DNAAF1: variants seen among roughly 807,000 people sequenced by gnomAD.
DNAAF1 encodes the protein dynein axonemal assembly factor 1.
DNAAF1 carries 65 observed loss-of-function variants against 71.1 expected under a neutral mutation model. The ratio of observed to expected loss-of-function variants is 0.91; its 90% CI spans 0.75 to 1.12. The LOEUF is 1.12. Ranked by LOEUF, DNAAF1 falls within the 50% of genes most tolerant of loss-of-function variation. DNAAF1 has a pLI of 0.00. For missense variants in DNAAF1, 1,178 were observed against 899.8 expected (o/e 1.31, Z -3.96); for synonymous variants, 414 against 354.6 (o/e 1.17, Z -1.88).
At position 84,164,352 on chromosome 16, in the gene DNAAF1, C is replaced by T. The variant is rs573646396; in HGVS notation, c.864-1431C>T. On this transcript the variant is annotated intron_variant, in intron 6 of 11. Transcript: ENST00000378553. ...CGGACAAAGGTATCATGTCCTGTAT[C>T]CCCCATCACAGTATCTCACAGAATA... is the stretch of plus-strand genomic sequence containing the variant. Among the ~76,000 whole-genome samples, 5 of 152,280 alleles carry T rather than the reference C, an allele frequency of 3.3e-5. No individual in the cohort carries two copies. The East Asian group carries it at 9.7e-4, about 29-fold the overall frequency.
intron 2 of DNAAF1, 60 bp downstream of exon 2, chr16:84,149,202 C>A (rs547159795): frequency 5.0e-6 from 8 of 1,591,930 alleles, no homozygotes; most frequent in Admixed American, 3.3e-5. Context: ...GGCGTAATCA[C>A]CCCCTTGTAC....
At chr16:84,155,858 C>T in intron 5 of DNAAF1, 109 bp downstream of exon 5, 2 of 1,377,912 alleles carry the variant, frequency 1.5e-6, no homozygotes, top group South Asian at 2.5e-5. Context: ...GCCTTCCTTC[C>T]CTTTTTCACA....
Position 84,172,270 on chromosome 16 carries a change from C to A in DNAAF1, c.1539C>A (p.Pro513=). ...GTTGTTGCTCTTTAGAACCGACTCC[C>A]CAGGCTGTGGCCACTGAGGGTGTAT... ...PLGAAREEPT[P]QAVATEGVFV... is the part of the protein sequence containing the mutation. Residue 513 remains proline (P), a synonymous_variant, in exon 9 of 12, where the codon CCC becomes CCA. Transcript: ENST00000378553. The A allele has an allele frequency of 6.2e-7, 1 of 1,614,074 alleles. No homozygotes were observed. Among genetic ancestry groups the A allele is most frequent in the Non-Finnish European group, 8.5e-7 (1 of 1,179,996 alleles).
chr16:84,155,523 C>T, intron 4 of DNAAF1, 60 bp from the exon 5 acceptor site: 1 of 1,580,204 alleles, frequency 6.3e-7, no homozygotes, highest in Non-Finnish European at 8.7e-7. Context: ...AACCACTGTG[C>T]CTGGCCCAAG....
rs9921392 is a variant in DNAAF1, at chr16:84,174,053, C to T, written c.1645-616C>T. On this transcript the variant is annotated intron_variant, in intron 9 of 11. Transcript: ENST00000378553. Reference sequence around the variant, plus strand: ...TAAGCAGTACATACTATTATCATCCCAATTTCCCAGATGAGGAAAATGAGA... The same window carrying T: ...TAAGCAGTACATACTATTATCATCCTAATTTCCCAGATGAGGAAAATGAGA... 3.5e-3 allele frequency: 1,073 copies of T among 310,614 alleles called. 16 individuals are homozygous for T. The highest frequency in any genetic ancestry group is 0.03 in the South Asian group (283 of 9,328). The allele number at this position is 310,614 out of a possible 1,614,324, so 19.2% of individuals were successfully genotyped here.
chr16:84,152,943 C>G (rs1004856713), intron 3 of DNAAF1, among the ~76,000 whole-genome samples: 1 of 149,736 alleles, frequency 6.7e-6, no homozygotes, highest in East Asian at 1.9e-4. Flanking sequence ...GGCAACAGAG[C>G]CAGACTCCAT....
intron 5 of DNAAF1, 46 bp downstream of exon 5, chr16:84,155,795 G>T: frequency 6.2e-7 from 1 of 1,605,276 alleles, no homozygotes. Flanking sequence ...ACAGGAAACC[G>T]CTTCTATTAT....
At chr16:84,155,327 C>G (rs2087375591) in intron 4 of DNAAF1, among the ~76,000 whole-genome samples, 1 of 152,188 alleles carries the variant, frequency 6.6e-6, no homozygotes, top group South Asian at 2.1e-4. Flanking sequence ...CTCCTGGTCT[C>G]AAGCGATCCT....
chr16:84,145,365 G>A lies in DNAAF1; in HGVS notation c.-76G>A. 2 of 1,545,774 alleles carry A rather than the reference G, an allele frequency of 1.3e-6. No individual in the cohort carries two copies. The highest frequency in any genetic ancestry group is 1.2e-5 in the South Asian group (1 of 84,120). ...AGGAAAGAGGGTACTCTCTGGCTGG[G>A]CTGGGGCCGTAGCGACGTCCGCCGC... On this transcript the variant is annotated 5_prime_UTR_variant, in exon 1 of 12. Coordinates refer to ENST00000378553, the MANE Select transcript of DNAAF1 (RefSeq NM_178452.6).
At chr16:84,156,851 CTT>C (rs778916785) in intron 5 of DNAAF1, among the ~76,000 whole-genome samples, 94 of 111,794 alleles carry the variant, frequency 8.4e-4, no homozygotes, top group Non-Finnish European at 1.2e-3. Context: ...TTCTTTCTTT[CTT>C]TTTTTTTTTT....
At chr16:84,153,903 C>T (rs2087294025) in intron 3 of DNAAF1, among the ~76,000 whole-genome samples, 1 of 152,252 alleles carries the variant, frequency 6.6e-6, no homozygotes, top group East Asian at 1.9e-4. Flanking sequence ...GCAGTAGGCT[C>T]CACCCTCCCA....
At chr16:84,148,026 C>T (rs185524183) in intron 1 of DNAAF1, among the ~76,000 whole-genome samples, 1 of 152,004 alleles carries the variant, frequency 6.6e-6, no homozygotes, top group African/African-American at 2.4e-5. Context: ...TGAGATCCCG[C>T]CACTGCACTC....
chr16:84,153,219 C>G (rs2151217088), intron 3 of DNAAF1, among the ~76,000 whole-genome samples: 1 of 152,202 alleles, frequency 6.6e-6, no homozygotes, highest in East Asian at 1.9e-4. Flanking sequence ...GCAAATACTT[C>G]CACTATAAAA....
chr16:84,173,104 G>C, intron 9 of DNAAF1: 1 of 986,156 alleles, frequency 1.0e-6, no homozygotes, highest in Non-Finnish European at 1.2e-6. Flanking sequence ...CCACTTCCTT[G>C]TTAAACTTCT....
At chr16:84,174,500 T>C (rs1228888344) in intron 9 of DNAAF1, 169 bp from the exon 10 acceptor site, 1 of 1,513,364 alleles carries the variant, frequency 6.6e-7, no homozygotes, top group African/African-American at 1.4e-5. Context: ...GCTTGCTTTG[T>C]GTGTATCTAG....
At chr16:84,167,381 C>T (rs1425744915) in intron 7 of DNAAF1, among the ~76,000 whole-genome samples, 3 of 152,096 alleles carry the variant, frequency 2.0e-5, no homozygotes, top group East Asian at 1.9e-4. Context: ...AGCTCCAGCA[C>T]GTGGGCATGA....
At chr16:84,162,379 G>T (rs2087755667) in intron 6 of DNAAF1, among the ~76,000 whole-genome samples, 1 of 151,688 alleles carries the variant, frequency 6.6e-6, no homozygotes, top group African/African-American at 2.4e-5. Context: ...GAGGTGGGTG[G>T]ATCACTTGAG....
intron 7 of DNAAF1, among the ~76,000 whole-genome samples, chr16:84,168,035 A>G (rs1324986623): frequency 6.6e-6 from 1 of 150,904 alleles, no homozygotes; most frequent in Non-Finnish European, 1.5e-5. Flanking sequence ...AAAAAACCCC[A>G]CAAATCTGTT....
intron 3 of DNAAF1, among the ~76,000 whole-genome samples, chr16:84,154,111 G>T (rs762011561): frequency 3.3e-5 from 5 of 152,202 alleles, no homozygotes; most frequent in Admixed American, 6.5e-5. Context: ...GGAAGGAGGT[G>T]TGGATGCCAG....
Sources: gnomAD v4.1 joint callset for allele counts (sites outside exome capture counted in the v4.1 genomes callset) on GRCh38, gnomAD v4.1.1 for gene constraint, MANE v1.5 for transcripts, NCBI Gene and HGNC (gene_info 2026-07-23, HGNC 2026-07-21) for gene names.